The following SCFD2 variants were observed in gnomAD, a reference collection of about 807,000 sequenced individuals.
SCFD2 encodes the protein sec1 family domain containing 2.
In SCFD2, 54 loss-of-function variants were observed where a neutral mutation model predicts 58.9. The ratio of observed to expected loss-of-function variants is 0.92; its 90% CI spans 0.74 to 1.15. The LOEUF is 1.15. SCFD2 is among the 50% of genes most tolerant of loss of function. The pLI, the probability that SCFD2 is intolerant of heterozygous loss-of-function variation, is 0.00. For synonymous variants in SCFD2, 321 were observed against 335.9 expected, an observed-to-expected ratio of 0.96 and a Z score of 0.49; for missense variants, 805 against 836.6, an observed-to-expected ratio of 0.96 and a Z score of 0.47.
intron 6 of SCFD2, among the ~76,000 whole-genome samples, chr4:52,912,322 G>T (rs1719505759): frequency 1.3e-5 from 2 of 152,034 alleles, no homozygotes; most frequent in South Asian, 4.2e-4. Context: ...TTTTAAAAAA[G>T]ACATAAAATG....
chr4:53,337,109 TC>T (rs1425794035), intron 2 of SCFD2, among the ~76,000 whole-genome samples: 1 of 151,720 alleles, frequency 6.6e-6, no homozygotes, highest in African/African-American at 2.4e-5. Flanking sequence ...AAATTTATTT[TC>T]TCACAGTTCT....
intron 3 of SCFD2, among the ~76,000 whole-genome samples, chr4:53,286,934 C>T (rs964216321): frequency 2.0e-5 from 3 of 152,194 alleles, no homozygotes; most frequent in African/African-American, 7.2e-5. Context: ...GTGGCATCCT[C>T]TCTCCTAGTG....
At chr4:52,896,745 C>G (rs1451335631) in intron 7 of SCFD2, among the ~76,000 whole-genome samples, 1 of 152,152 alleles carries the variant, frequency 6.6e-6, no homozygotes, top group African/African-American at 2.4e-5. Flanking sequence ...TATAAATTAC[C>G]TTGGGCAGCA....
At chr4:53,205,075 G>A (rs187438088) in intron 4 of SCFD2, among the ~76,000 whole-genome samples, 88 of 152,118 alleles carry the variant, frequency 5.8e-4, no homozygotes, top group Non-Finnish European at 5.9e-4. Flanking sequence ...AAAACAGGAG[G>A]GAAAAAAGTT....
chr4:53,152,844 G>A (rs534215704), intron 4 of SCFD2, among the ~76,000 whole-genome samples: 63 of 152,268 alleles, frequency 4.1e-4, no homozygotes, highest in African/African-American at 1.2e-3. Flanking sequence ...CCAAAAGAAC[G>A]GGGCAACAGA....
intron 4 of SCFD2, among the ~76,000 whole-genome samples, chr4:53,161,591 T>C (rs1418418643): frequency 2.0e-5 from 3 of 152,166 alleles, no homozygotes; most frequent in Non-Finnish European, 4.4e-5. Context: ...TTTTTTCCCA[T>C]CTCTCGGGAA....
At chr4:53,004,443 G>C (rs773253628) in intron 5 of SCFD2, among the ~76,000 whole-genome samples, 1 of 152,196 alleles carries the variant, frequency 6.6e-6, no homozygotes, top group Non-Finnish European at 1.5e-5. Context: ...AAGTCCCATA[G>C]CTAACATTCA....
intron 3 of SCFD2, among the ~76,000 whole-genome samples, chr4:53,310,903 T>A (rs997747097): frequency 2.6e-5 from 4 of 152,162 alleles, no homozygotes; most frequent in Non-Finnish European, 5.9e-5. Flanking sequence ...GTTTAACATC[T>A]CAAAAATACT....
At chr4:53,245,613 C>G (rs1730043275) in intron 4 of SCFD2, among the ~76,000 whole-genome samples, 1 of 151,964 alleles carries the variant, frequency 6.6e-6, no homozygotes, top group African/African-American at 2.4e-5. Flanking sequence ...ATACCTCACA[C>G]AAACTAAGTA....
intron 4 of SCFD2, among the ~76,000 whole-genome samples, chr4:53,222,507 T>A (rs1264672507): frequency 2.6e-5 from 4 of 152,236 alleles, no homozygotes; most frequent in African/African-American, 9.6e-5. Flanking sequence ...AACTTACTTT[T>A]TATTTGAAAT....
chr4:53,221,061 C>G (rs1408350106), intron 4 of SCFD2, among the ~76,000 whole-genome samples: 1 of 152,122 alleles, frequency 6.6e-6, no homozygotes, highest in African/African-American at 2.4e-5. Context: ...TCAGGAGCAA[C>G]TACAATGGTC....
chr4:52,966,622 G>C (rs1692535249), intron 5 of SCFD2, among the ~76,000 whole-genome samples: 2 of 152,026 alleles, frequency 1.3e-5, no homozygotes, highest in Admixed American at 1.3e-4. Context: ...TACTTCATTT[G>C]TTTGGTAGGA....
At chr4:53,327,056 G>T (rs754050353) in intron 2 of SCFD2, among the ~76,000 whole-genome samples, 1 of 151,712 alleles carries the variant, frequency 6.6e-6, no homozygotes, top group South Asian at 2.1e-4. Flanking sequence ...AAAGTCATTA[G>T]TTGGTGCCTA....
At chr4:53,215,959 T>G (rs557959370) in intron 4 of SCFD2, among the ~76,000 whole-genome samples, 149 of 152,224 alleles carry the variant, frequency 9.8e-4, no homozygotes, top group African/African-American at 3.5e-3. Context: ...ATTGATTTGC[T>G]TACGTTGAAC....
At chr4:53,203,980 G>A (rs376203816) in intron 4 of SCFD2, among the ~76,000 whole-genome samples, 3 of 152,192 alleles carry the variant, frequency 2.0e-5, no homozygotes, top group East Asian at 1.9e-4. Flanking sequence ...CTGACACTAC[G>A]TACCCTTTCT....
Position 53,273,821 on chromosome 4 carries a change from C to T in SCFD2, c.1311+5G>A, listed in dbSNP as rs372899314. On this transcript the variant is annotated splice_donor_5th_base_variant and intron_variant, in intron 4 of 8. Coordinates refer to ENST00000401642, the MANE Select transcript of SCFD2 (RefSeq NM_152540.4). ...AGATCCCACGAGGTTCCCATAGCAA[C>T]ATACCTGAAGAAGGAGCCTTTCAAA... 4.3e-6 allele frequency: 7 copies of T among 1,609,242 alleles called. No individual in the cohort carries two copies. The highest frequency in any genetic ancestry group is 3.4e-5 in the Admixed American group (2 of 59,294).
chr4:53,267,345 C>A (rs1040178436), intron 4 of SCFD2, among the ~76,000 whole-genome samples: 3 of 151,982 alleles, frequency 2.0e-5, no homozygotes, highest in African/African-American at 4.8e-5. Context: ...GGCAGCTGCC[C>A]ATATATTATG....
chr4:53,138,534 T>G (rs1248717879), intron 5 of SCFD2, among the ~76,000 whole-genome samples: 1 of 152,210 alleles, frequency 6.6e-6, no homozygotes, highest in Non-Finnish European at 1.5e-5. Context: ...ATAACACTAA[T>G]CAACATACTT....
chr4:53,011,544 A>G (rs1054590174), intron 5 of SCFD2, among the ~76,000 whole-genome samples: 2 of 152,222 alleles, frequency 1.3e-5, no homozygotes, highest in African/African-American at 4.8e-5. Context: ...TGCTGCAGCT[A>G]AGTGAAATGG....
Sources: allele counts gnomAD v4.1 joint callset (sites outside exome capture counted in the v4.1 genomes callset), GRCh38; gene constraint gnomAD v4.1.1; transcripts MANE v1.5; gene names NCBI Gene and HGNC (gene_info 2026-07-23, HGNC 2026-07-21).